Variants in INTS4 observed in about 807,000 individuals in gnomAD.
INTS4 encodes integrator complex subunit 4.
Under a neutral mutation model 119.5 loss-of-function variants are expected in INTS4, and 70 were observed. The observed-to-expected ratio is 0.59, with a 90% confidence interval of 0.48 to 0.71. The LOEUF is 0.71. Among genes scored for constraint, INTS4 ranks in the 30% least tolerant of loss-of-function variants. The probability of loss-of-function intolerance (pLI) is 0.00; values close to 1 mark genes in which losing one functional copy is unlikely to be tolerated. For missense variants in INTS4, 867 were observed against 1,173.2 expected (o/e 0.74, Z 3.81); for synonymous variants, 316 against 419.6 (o/e 0.75, Z 3.02).
intron 2 of INTS4, among the ~76,000 whole-genome samples, chr11:77,989,045 A>T (rs958268319): frequency 6.6e-6 from 1 of 152,210 alleles, no homozygotes; most frequent in African/African-American, 2.4e-5. Flanking sequence ...AACTTTATTC[A>T]TTAGGGTTAG....
At chr11:77,963,490 C>T (rs1277788042) in intron 4 of INTS4, 5 of 405,826 alleles carry the variant, frequency 1.2e-5, no homozygotes, top group South Asian at 3.7e-5. Context: ...CATTGAAGTG[C>T]CATAATTTTT....
chr11:77,935,881 G>A (rs150153926), intron 10 of INTS4, among the ~76,000 whole-genome samples: 2,892 of 47,124 alleles, frequency 0.061, 52 homozygotes, highest in Middle Eastern at 0.17. Context: ...GAGCAACAGA[G>A]CAAGATCCTG....
At position 77,989,804 on chromosome 11, in the gene INTS4, C is replaced by T. The variant is rs1299932743; in HGVS notation, c.246+1304G>A. Among the ~76,000 whole-genome samples, 46 of 151,972 alleles carry T rather than the reference C, an allele frequency of 3.0e-4. 1 individual carries two copies. Among genetic ancestry groups the T allele is most frequent in the Admixed American group, 3.0e-3 (46 of 15,266 alleles). On this transcript the variant is annotated intron_variant, in intron 2 of 22. Coordinates refer to ENST00000534064, the MANE Select transcript of INTS4 (RefSeq NM_033547.4). ...GTCCCAGCTACTCAGAAGGCTGAGGCAGGAGGATCAATTGAGCCTCGGAGG... is the reference window on the plus strand; with the variant it reads ...GTCCCAGCTACTCAGAAGGCTGAGGTAGGAGGATCAATTGAGCCTCGGAGG...
At chr11:77,970,224 C>T (rs1855670583) in intron 4 of INTS4, among the ~76,000 whole-genome samples, 1 of 151,820 alleles carries the variant, frequency 6.6e-6, no homozygotes, top group Admixed American at 6.6e-5. Flanking sequence ...TGGTGAAACC[C>T]CATCTCTATT....
intron 21 of INTS4, among the ~76,000 whole-genome samples, chr11:77,886,338 G>A (rs1387497403): frequency 2.0e-5 from 3 of 152,148 alleles, no homozygotes; most frequent in African/African-American, 7.2e-5. Context: ...AGAAACCTGT[G>A]GCCCAAGTAG....
rs115947647 is a variant in INTS4 at position 77,918,486 on chromosome 11, A to G, written c.1922+335T>C. On this transcript the variant is annotated intron_variant, in intron 15 of 22. Coordinates refer to ENST00000534064, the MANE Select transcript of INTS4 (RefSeq NM_033547.4). ...TGGTCATCTCAGCCCTGTCCTGCCT[A>G]TGAGAAAGAATTAAACTTTGCTCCT... The G allele has an allele frequency of 2.5e-3, 673 of 270,048 alleles. 4 individuals are homozygous for G. Among genetic ancestry groups the G allele is most frequent in the African/African-American group, 0.015 (655 of 44,822 alleles). The allele number at this position is 270,048 out of a possible 1,614,324, so 16.7% of individuals were successfully genotyped here. A position where few individuals can be genotyped will look rare whatever the true frequency, so the allele number is the denominator to read the frequency against.
At position 77,937,003 on chromosome 11, in the gene INTS4, C is replaced by T. The variant is rs374536220; in HGVS notation, c.1165+1648G>A. ...CAGCCTCGACAACATGGCAAAACCC[C>T]GTCTCTACTAAAAATACAGAAATTA... On this transcript the variant is annotated intron_variant, in intron 10 of 22. Transcript: ENST00000534064. 7.7e-4 allele frequency among the ~76,000 whole-genome samples: 117 copies of T among 152,098 alleles called. 2 individuals carry two copies. The highest frequency in any genetic ancestry group is 2.8e-3 in the African/African-American group (115 of 41,492).
intron 4 of INTS4, among the ~76,000 whole-genome samples, chr11:77,977,516 A>G (rs987623391): frequency 2.6e-5 from 4 of 151,762 alleles, no homozygotes; most frequent in African/African-American, 7.3e-5. Flanking sequence ...GTATTTAAAG[A>G]AAAAAAATGG....
intron 4 of INTS4, among the ~76,000 whole-genome samples, chr11:77,973,823 T>C (rs890046384): frequency 6.6e-6 from 1 of 152,220 alleles, no homozygotes; most frequent in Non-Finnish European, 1.5e-5. Context: ...CTCCTACTTG[T>C]ATGTTGCTGG....
At chr11:77,917,363 G>A (rs972048686) in intron 15 of INTS4, among the ~76,000 whole-genome samples, 1 of 150,300 alleles carries the variant, frequency 6.7e-6, no homozygotes, top group South Asian at 2.1e-4. Context: ...GCCCAGACTG[G>A]AGTGCAGTGG....
chr11:77,905,266 G>A (rs1565235336), intron 16 of INTS4, among the ~76,000 whole-genome samples: 1 of 152,090 alleles, frequency 6.6e-6, no homozygotes. Flanking sequence ...AGACCAGCCT[G>A]ACCAACATGG....
intron 18 of INTS4, among the ~76,000 whole-genome samples, chr11:77,895,765 T>C (rs1952490572): frequency 6.6e-6 from 1 of 151,844 alleles, no homozygotes; most frequent in Non-Finnish European, 1.5e-5. Context: ...TTGGAGAGAC[T>C]CCAGGAAGTA....
At chr11:77,980,987 C>T (rs895105738) in intron 3 of INTS4, among the ~76,000 whole-genome samples, 19 of 149,048 alleles carry the variant, frequency 1.3e-4, no homozygotes, top group African/African-American at 3.7e-4. Context: ...AGCGAGACTC[C>T]GTTAAAAAAA....
intron 15 of INTS4, among the ~76,000 whole-genome samples, chr11:77,912,882 TC>T (rs1246458570): frequency 3.9e-5 from 6 of 152,298 alleles, no homozygotes; most frequent in African/African-American, 1.4e-4. Flanking sequence ...TTTAAATAAT[TC>T]AACTAAAAAA....
chr11:77,987,068 A>G (rs1199494570), intron 2 of INTS4: 1 of 152,232 alleles, frequency 6.6e-6, no homozygotes, highest in Non-Finnish European at 1.5e-5. Flanking sequence ...ATTTATTTTC[A>G]TAAGAATCTG....
chr11:77,928,640 T>A, intron 10 of INTS4, 93 bp from the exon 11 acceptor site: 2 of 1,510,372 alleles, frequency 1.3e-6, no homozygotes, highest in Non-Finnish European at 1.8e-6. Flanking sequence ...GGGAGGCAGA[T>A]CACTTGAGCC....
chr11:77,950,657 A>C (rs1954168791), intron 8 of INTS4, among the ~76,000 whole-genome samples: 1 of 152,200 alleles, frequency 6.6e-6, no homozygotes, highest in Admixed American at 6.5e-5. Flanking sequence ...GATTGGATTA[A>C]TATTCAACAT....
At chr11:77,912,645 T>A (rs1056923493) in intron 15 of INTS4, among the ~76,000 whole-genome samples, 4 of 152,226 alleles carry the variant, frequency 2.6e-5, no homozygotes, top group Admixed American at 6.5e-5. Context: ...AAATCAAATT[T>A]ATAATTAATG....
chr11:77,883,151 G>C (rs1463354489), intron 22 of INTS4, among the ~76,000 whole-genome samples: 1 of 151,852 alleles, frequency 6.6e-6, no homozygotes, highest in East Asian at 1.9e-4. Flanking sequence ...ATTCCAAAAG[G>C]CATTCCCTAT....
Sources: gnomAD v4.1 joint callset for allele counts (sites outside exome capture counted in the v4.1 genomes callset) on GRCh38, gnomAD v4.1.1 for gene constraint, MANE v1.5 for transcripts, NCBI Gene and HGNC (gene_info 2026-07-23, HGNC 2026-07-21) for gene names.